Variants in PAX5 observed in about 807,000 individuals in gnomAD.
PAX5 encodes paired box protein Pax-5.
In PAX5, 9 loss-of-function variants were observed where a neutral mutation model predicts 43.7. The observed-to-expected ratio is 0.21, with a 90% CI of 0.12 to 0.36. PAX5 has a LOEUF of 0.36. PAX5 is among the 10% of genes least tolerant of loss of function. The pLI, the probability that PAX5 is intolerant of heterozygous loss-of-function variation, is 1.00. For synonymous variants in PAX5, 228 were observed against 214.3 expected (o/e 1.06, Z -0.56); for missense variants, 383 against 532.7 (o/e 0.72, Z 2.77).
intron 1 of PAX5, among the ~76,000 whole-genome samples, chr9:37,031,143 G>GA (rs1255213960): frequency 1.3e-5 from 2 of 152,146 alleles, no homozygotes; most frequent in African/African-American, 2.4e-5. Flanking sequence ...AGAGGATGGA[G>GA]AAAAAATGAG....
intron 3 of PAX5, among the ~76,000 whole-genome samples, chr9:37,012,207 G>T (rs748274050): frequency 6.6e-6 from 1 of 152,168 alleles, no homozygotes; most frequent in Non-Finnish European, 1.5e-5. Flanking sequence ...AAATGCAGAA[G>T]AAAATACTTG....
intron 1 of PAX5, among the ~76,000 whole-genome samples, chr9:37,021,905 A>C (rs1015713875): frequency 2.6e-5 from 4 of 152,190 alleles, no homozygotes; most frequent in Non-Finnish European, 5.9e-5. Flanking sequence ...CTCCTGAACC[A>C]AGACTGGACT....
chr9:36,919,715 C>T (rs796479507), intron 7 of PAX5, among the ~76,000 whole-genome samples: 8 of 151,806 alleles, frequency 5.3e-5, no homozygotes, highest in African/African-American at 1.9e-4. Flanking sequence ...GTGGTGGGTG[C>T]CTGTAATCCC....
chr9:37,033,098 C>T (rs1021860169), intron 1 of PAX5, among the ~76,000 whole-genome samples: 5 of 152,256 alleles, frequency 3.3e-5, no homozygotes, highest in African/African-American at 9.6e-5. Context: ...AATGTCACAA[C>T]TAACCCTACA....
At chr9:36,842,723 A>G (rs1168896068) in intron 9 of PAX5, among the ~76,000 whole-genome samples, 1 of 152,142 alleles carries the variant, frequency 6.6e-6, no homozygotes, top group East Asian at 1.9e-4. Flanking sequence ...CACATCGGCC[A>G]CAGGCACTCC....
intron 6 of PAX5, among the ~76,000 whole-genome samples, chr9:36,965,702 G>A (rs976204695): frequency 5.3e-5 from 8 of 152,338 alleles, no homozygotes; most frequent in Admixed American, 2.0e-4. Context: ...GGAAAGTGCC[G>A]AGGAAAGTTG....
rs1350641726 is a variant in PAX5 at position 36,882,653 on chromosome 9, T to A, written c.911-548A>T. ...ATCTGCCTCAAACCTTATAGTCCCATATCTGGCCTAGTACTGAATTTTTCC... is the reference window on the plus strand; with the variant it reads ...ATCTGCCTCAAACCTTATAGTCCCAAATCTGGCCTAGTACTGAATTTTTCC... On this transcript the variant is annotated intron_variant, in intron 7 of 9. Coordinates refer to ENST00000358127, the MANE Select transcript of PAX5 (RefSeq NM_016734.3). This position sits in a 1 kb window ranked among gnomAD's most constrained non-coding sequence, Gnocchi z 4.4. Among the ~76,000 whole-genome samples the A allele has an allele frequency of 6.6e-5, 10 of 152,220 alleles. No homozygotes were observed. Among genetic ancestry groups the A allele is most frequent in the African/African-American group, 2.4e-4 (10 of 41,458 alleles).
chr9:36,869,586 C>T (rs2131696119), intron 8 of PAX5, among the ~76,000 whole-genome samples: 1 of 152,378 alleles, frequency 6.6e-6, no homozygotes, highest in South Asian at 2.1e-4. Context: ...CTGTGTCTGA[C>T]ATCCCCAGTC....
rs558604648 is a variant in PAX5 at position 36,974,740 on chromosome 9, G to C, written c.605-8016C>G. Among the ~76,000 whole-genome samples, 28 of 152,288 alleles carry C rather than the reference G, an allele frequency of 1.8e-4. 1 individual carries two copies. In the South Asian group the frequency reaches 5.6e-3, roughly 30 times the overall value. On this transcript the variant is annotated intron_variant, in intron 5 of 9. Transcript: ENST00000358127. ...ACTTTAACACGGCACCTGGCAGAGA[G>C]TTTAGTGTCCAAATAATGCTAGCTG...
At chr9:36,915,306 T>C (rs1002834026) in intron 7 of PAX5, among the ~76,000 whole-genome samples, 1 of 152,242 alleles carries the variant, frequency 6.6e-6, no homozygotes, top group Non-Finnish European at 1.5e-5. Flanking sequence ...TCCAAAGAGA[T>C]TGCATCAATG....
chr9:36,960,846 C>T (rs568381843), intron 6 of PAX5, among the ~76,000 whole-genome samples: 1 of 152,364 alleles, frequency 6.6e-6, no homozygotes, highest in South Asian at 2.1e-4. Context: ...TCCCACAGTC[C>T]TTTGCCTGTG....
chr9:36,993,185 G>A (rs1046587528), intron 5 of PAX5, among the ~76,000 whole-genome samples: 1 of 152,194 alleles, frequency 6.6e-6, no homozygotes, highest in African/African-American at 2.4e-5. Flanking sequence ...AGACACTAAA[G>A]GGATCTGCAG....
intron 7 of PAX5, among the ~76,000 whole-genome samples, chr9:36,895,351 G>A (rs78202075): frequency 0.022 from 3,372 of 152,262 alleles, 104 homozygotes; most frequent in African/African-American, 0.076. Flanking sequence ...CCTTACTTGC[G>A]TCACCTCATT....
Position 36,933,641 on chromosome 9 carries a change from T to G in PAX5, c.781-10157A>C, listed in dbSNP as rs571486954. 2.0e-5 allele frequency among the ~76,000 whole-genome samples: 3 copies of G among 152,308 alleles called. No homozygotes were observed. The South Asian group carries it at 6.2e-4, about 32-fold the overall frequency. On this transcript the variant is annotated intron_variant, in intron 6 of 9. Coordinates refer to ENST00000358127, the MANE Select transcript of PAX5 (RefSeq NM_016734.3). ...TCAGACACTCCTCCATGAAGGGCCC[T>G]GGCCACACACCCACTATCCTCCTCC... is the stretch of plus-strand genomic sequence containing the variant.
chr9:36,974,891 T>C (rs1835291495), intron 5 of PAX5, among the ~76,000 whole-genome samples: 1 of 152,018 alleles, frequency 6.6e-6, no homozygotes, highest in Non-Finnish European at 1.5e-5. Flanking sequence ...CGCAATGCCA[T>C]CCCAGCAGGC....
At chr9:36,865,590 A>T (rs1824789982) in intron 8 of PAX5, among the ~76,000 whole-genome samples, 1 of 152,186 alleles carries the variant, frequency 6.6e-6, no homozygotes. Flanking sequence ...GAAGAAATGG[A>T]GGAAGACCAG....
chr9:37,028,455 A>C (rs946551083), intron 1 of PAX5, among the ~76,000 whole-genome samples: 2 of 152,162 alleles, frequency 1.3e-5, no homozygotes, highest in Non-Finnish European at 2.9e-5. Flanking sequence ...AAGGGGGAGA[A>C]TATCTCACAC....
chr9:36,985,838 C>T (rs1836352323), intron 5 of PAX5, among the ~76,000 whole-genome samples: 1 of 152,196 alleles, frequency 6.6e-6, no homozygotes, highest in Non-Finnish European at 1.5e-5. Flanking sequence ...AATTTTCCAC[C>T]GGTGCAAGAG....
At chr9:36,961,341 T>C (rs1833957384) in intron 6 of PAX5, among the ~76,000 whole-genome samples, 1 of 152,248 alleles carries the variant, frequency 6.6e-6, no homozygotes, top group Non-Finnish European at 1.5e-5. Context: ...TTTAACCTCC[T>C]GTGACCTTTG....
Sources: allele counts gnomAD v4.1 joint callset (sites outside exome capture counted in the v4.1 genomes callset), GRCh38; gene constraint gnomAD v4.1.1; non-coding constraint Gnocchi (gnomAD v3.1); transcripts MANE v1.5; gene names NCBI Gene and HGNC (gene_info 2026-07-23, HGNC 2026-07-21).